SPON1: variants seen among roughly 807,000 people sequenced by gnomAD.
The protein encoded by SPON1 is spondin-1.
In SPON1, 52 loss-of-function variants were observed where a neutral mutation model predicts 111.7. The ratio of observed to expected loss-of-function variants is 0.47; its 90% CI spans 0.37 to 0.59. The LOEUF (loss-of-function observed/expected upper bound fraction) is 0.59, where lower values mean the gene tolerates loss of function less well. Ranked by LOEUF, SPON1 falls within the 20% of genes least tolerant of loss-of-function variation. SPON1 has a pLI of 0.00. For synonymous variants in SPON1, 410 were observed against 395.8 expected (o/e 1.04, Z -0.43); for missense variants, 957 against 1,068.5 (o/e 0.90, Z 1.46).
rs1470378143 is a variant in SPON1 at position 14,266,626 on chromosome 11, A to C, written c.*939A>C. On this transcript the variant is annotated 3_prime_UTR_variant, in exon 16 of 16. Transcript: ENST00000576479. ...TTTTTAGCAAGAAAACATTTTTGCTATACAAACATTTTGCTAAGTCTGCCC... is the reference window on the plus strand; with the variant it reads ...TTTTTAGCAAGAAAACATTTTTGCTCTACAAACATTTTGCTAAGTCTGCCC... 6.6e-6 allele frequency: 1 copy of C among 152,110 alleles called. No individual in the cohort carries two copies. Among genetic ancestry groups the C allele is most frequent in the Non-Finnish European group, 1.5e-5 (1 of 68,006 alleles). 9.4% of individuals were successfully genotyped at this position (152,110 alleles called of 1,614,324 possible).
chr11:14,032,228 T>A (rs1156291340), intron 2 of SPON1, among the ~76,000 whole-genome samples: 1 of 152,230 alleles, frequency 6.6e-6, no homozygotes, highest in Non-Finnish European at 1.5e-5. Context: ...TATATGTATA[T>A]GTATGCACAA....
intron 5 of SPON1, among the ~76,000 whole-genome samples, chr11:14,114,773 T>C (rs1021752267): frequency 1.3e-5 from 2 of 152,192 alleles, no homozygotes; most frequent in Non-Finnish European, 2.9e-5. Context: ...TGCACTGTAA[T>C]TGCCTGTCCT....
intron 5 of SPON1, among the ~76,000 whole-genome samples, chr11:14,085,119 C>A (rs1429036617): frequency 6.6e-6 from 1 of 152,106 alleles, no homozygotes; most frequent in Non-Finnish European, 1.5e-5. Context: ...ATGCTAGTTT[C>A]TTTTGCTGTG....
intron 1 of SPON1, among the ~76,000 whole-genome samples, chr11:13,975,271 G>T (rs1441279486): frequency 6.6e-6 from 1 of 152,056 alleles, no homozygotes; most frequent in African/African-American, 2.4e-5. Context: ...TAGACCAAAT[G>T]CTCAGTAAAG....
In SPON1 at chr11:14,032,312, T is replaced by G. The variant is rs937885403; in HGVS notation, c.346-9209T>G. Among the ~76,000 whole-genome samples the G allele has an allele frequency of 8.8e-5, 8 of 91,100 alleles. No homozygotes were observed. In the Middle Eastern group the frequency reaches 0.034, roughly 388 times the overall value. The allele number at this position is 91,100 out of a possible 152,430, so 59.8% of individuals were successfully genotyped here. ...AATGATCAGGAACGTTTGTTTCATA[T>G]TTTTTGCTCCCCTATGTTTTCTGAT... On this transcript the variant is annotated intron_variant, in intron 2 of 15. Coordinates refer to ENST00000576479, the MANE Select transcript of SPON1 (RefSeq NM_006108.4).
At chr11:14,104,461 A>G (rs1315929687) in intron 5 of SPON1, among the ~76,000 whole-genome samples, 1 of 152,002 alleles carries the variant, frequency 6.6e-6, no homozygotes, top group Non-Finnish European at 1.5e-5. Flanking sequence ...TCAATTTAAG[A>G]TAAACCACAA....
At chr11:13,991,194 T>A (rs918221008) in intron 2 of SPON1, among the ~76,000 whole-genome samples, 1 of 152,232 alleles carries the variant, frequency 6.6e-6, no homozygotes, top group Non-Finnish European at 1.5e-5. Flanking sequence ...ATTCTCCCCG[T>A]CACTTTCAGG....
At chr11:14,000,242 G>A (rs1313732670) in intron 2 of SPON1, among the ~76,000 whole-genome samples, 4 of 152,018 alleles carry the variant, frequency 2.6e-5, no homozygotes, top group Non-Finnish European at 4.4e-5. Flanking sequence ...ATGCTCTCAG[G>A]TAGCCACAAA....
chr11:14,179,068 G>T (rs1416958650), intron 6 of SPON1, among the ~76,000 whole-genome samples: 1 of 152,070 alleles, frequency 6.6e-6, no homozygotes, highest in Non-Finnish European at 1.5e-5. Flanking sequence ...CAAAATTCAG[G>T]GTATGGTGGT....
chr11:14,195,201 A>G (rs1401550941), intron 6 of SPON1, among the ~76,000 whole-genome samples: 2 of 152,232 alleles, frequency 1.3e-5, no homozygotes, highest in African/African-American at 4.8e-5. Flanking sequence ...TTACACTTCT[A>G]TTAAATGCTA....
At chr11:14,090,361 G>C (rs982857487) in intron 5 of SPON1, among the ~76,000 whole-genome samples, 1 of 152,178 alleles carries the variant, frequency 6.6e-6, no homozygotes, top group Non-Finnish European at 1.5e-5. Context: ...ATCTGGGCTG[G>C]ATAGCACAGT....
At chr11:14,235,863 A>G (rs1301800162) in intron 6 of SPON1, among the ~76,000 whole-genome samples, 3 of 152,284 alleles carry the variant, frequency 2.0e-5, no homozygotes, top group Non-Finnish European at 1.5e-5. Flanking sequence ...AAAGACCTGG[A>G]GGAAACAAAG....
chr11:14,210,410 T>C (rs1224872120), intron 6 of SPON1, among the ~76,000 whole-genome samples: 1 of 151,708 alleles, frequency 6.6e-6, no homozygotes, highest in African/African-American at 2.4e-5. Context: ...TTTGTGTTTG[T>C]TTTTGTCGAA....
chr11:14,182,260 A>G (rs962164397), intron 6 of SPON1, among the ~76,000 whole-genome samples: 2 of 152,178 alleles, frequency 1.3e-5, no homozygotes, highest in East Asian at 3.9e-4. Flanking sequence ...TTAAAATCAC[A>G]TTTGAATAGG....
intron 6 of SPON1, among the ~76,000 whole-genome samples, chr11:14,174,844 C>A (rs1425789043): frequency 6.6e-6 from 1 of 152,042 alleles, no homozygotes; most frequent in Non-Finnish European, 1.5e-5. Flanking sequence ...AAAAAGAAAT[C>A]CTTTCAAATC....
chr11:14,160,877 T>TTTTATATATTTATA (rs1847931105), intron 6 of SPON1, among the ~76,000 whole-genome samples: 1 of 27,896 alleles, frequency 3.6e-5, no homozygotes, highest in Non-Finnish European at 6.3e-5. Context: ...ATTTTTATAT[T>TTTTATATATTTATA]TTTATATATT....
chr11:14,183,424 C>T (rs1298225505), intron 6 of SPON1, among the ~76,000 whole-genome samples: 2 of 152,102 alleles, frequency 1.3e-5, no homozygotes, highest in Non-Finnish European at 2.9e-5. Flanking sequence ...TCACTTGAAC[C>T]GTAAGTATTG....
At position 14,085,147 on chromosome 11, in the gene SPON1, A is replaced by G. The variant is rs138184959; in HGVS notation, c.676+5126A>G. 5.1e-3 allele frequency among the ~76,000 whole-genome samples: 775 copies of G among 152,296 alleles called. 5 individuals are homozygous for G. Among genetic ancestry groups the G allele is most frequent in the Admixed American group, 0.011 (166 of 15,296 alleles). ...TTGCTGTGATGAAGCTCTTTAGTTT[A>G]GTAAGATCCCATTTGTCAATTTTGG... On this transcript the variant is annotated intron_variant, in intron 5 of 15. Transcript: ENST00000576479.
intron 2 of SPON1, among the ~76,000 whole-genome samples, chr11:13,996,642 A>G (rs1395049641): frequency 6.6e-6 from 1 of 152,186 alleles, no homozygotes; most frequent in Non-Finnish European, 1.5e-5. Flanking sequence ...TATAATCTAG[A>G]GATAATCATT....
Sources: gnomAD v4.1 joint callset for allele counts (sites outside exome capture counted in the v4.1 genomes callset) on GRCh38, gnomAD v4.1.1 for gene constraint, MANE v1.5 for transcripts, NCBI Gene and HGNC (gene_info 2026-07-23, HGNC 2026-07-21) for gene names.